MACROD1: variants seen among roughly 807,000 people sequenced by gnomAD.
MACROD1 encodes mono-ADP ribosylhydrolase 1, also known as ADP-ribose glycohydrolase MACROD1.
MACROD1 carries 31 observed loss-of-function variants against 41.4 expected under a neutral mutation model. That is an observed-to-expected ratio of 0.75 (90% CI 0.56 to 1.01). The LOEUF is 1.01. Ranked by LOEUF, MACROD1 falls within the 50% of genes least tolerant of loss-of-function variation. MACROD1 has a pLI of 0.00. For synonymous variants in MACROD1, 252 were observed against 203.4 expected, an observed-to-expected ratio of 1.24 and a Z score of -2.03; for missense variants, 473 against 460.0, an observed-to-expected ratio of 1.03 and a Z score of -0.26.
chr11:64,071,570 C>A (rs567397294), intron 3 of MACROD1, among the ~76,000 whole-genome samples: 1 of 152,210 alleles, frequency 6.6e-6, no homozygotes. Flanking sequence ...GAAACCTTGC[C>A]CCTTAGTTTC....
At position 64,126,630 on chromosome 11, in the gene MACROD1, G is replaced by A. The variant is rs542936959; in HGVS notation, c.517+24609C>T. 5.1e-4 allele frequency among the ~76,000 whole-genome samples: 77 copies of A among 152,190 alleles called. 1 individual carries two copies. The highest frequency in any genetic ancestry group is 1.7e-3 in the African/African-American group (69 of 41,520). ...CACACAACGTCATCCCCTTCCCGGT[G>A]GTCTGAAGAGGAGGAGGAGACCAGG... is the stretch of plus-strand genomic sequence containing the variant. On this transcript the variant is annotated intron_variant, in intron 3 of 10. Coordinates refer to ENST00000255681, the MANE Select transcript of MACROD1 (RefSeq NM_014067.4).
rs537905459 is a variant in MACROD1, at chr11:64,096,225, C to G, written c.517+55014G>C. The stretch of plus-strand genomic sequence containing the variant: ...GCACTGTGACGGGCAGGCAGGGGGT[C>G]GAACAGCCACTGTTCTGCCGACAAA... On this transcript the variant is annotated intron_variant, in intron 3 of 10. Coordinates refer to ENST00000255681, the MANE Select transcript of MACROD1 (RefSeq NM_014067.4). This position sits in a 1 kb window ranked among gnomAD's most constrained non-coding sequence, Gnocchi z 4.6. Among the ~76,000 whole-genome samples the G allele has an allele frequency of 6.6e-6, 1 of 152,198 alleles. No homozygotes were observed. Among genetic ancestry groups the G allele is most frequent in the African/African-American group, 2.4e-5 (1 of 41,458 alleles).
At chr11:64,076,894 C>T (rs1033610984) in intron 3 of MACROD1, among the ~76,000 whole-genome samples, 2 of 152,222 alleles carry the variant, frequency 1.3e-5, no homozygotes, top group South Asian at 2.1e-4. Flanking sequence ...ACTTACTCAT[C>T]GGCTTGGGGC....
At chr11:64,165,290 C>G (rs951068565) in intron 1 of MACROD1, among the ~76,000 whole-genome samples, 1 of 152,210 alleles carries the variant, frequency 6.6e-6, no homozygotes, top group Non-Finnish European at 1.5e-5. Context: ...AGTCCGGGAT[C>G]ATAACCTCCA....
In MACROD1 at chr11:64,067,493, G is replaced by C; in HGVS notation, c.518-52212C>G. On this transcript the variant is annotated intron_variant, in intron 3 of 10. Transcript: ENST00000255681. The surrounding 1 kb of genome is among the most constrained non-coding windows in gnomAD (Gnocchi z 4.6). ...GATAACAGAAGGGAGGAGATAGGTC[G>C]GGGACGGGGACAGACGGCACCTCCC... 6.6e-6 allele frequency among the ~76,000 whole-genome samples: 1 copy of C among 152,086 alleles called. No homozygotes were observed. The highest frequency in any genetic ancestry group is 1.9e-4 in the East Asian group (1 of 5,180).
In MACROD1 at chr11:64,143,747, CACACAT is replaced by C. The variant is rs1270405860; in HGVS notation, c.517+7486_517+7491del. On this transcript the variant is annotated intron_variant, in intron 3 of 10. Transcript: ENST00000255681. ...GTATTCCCTTCCCCCAACCCCGACA[CACACAT>C]ACACACACACACACACACACACACA... Among the ~76,000 whole-genome samples, 599 of 94,316 alleles carry C rather than the reference CACACAT, an allele frequency of 6.4e-3. 8 individuals carry two copies. The highest frequency in any genetic ancestry group is 0.013 in the African/African-American group (379 of 29,430). 61.9% of individuals were successfully genotyped at this position (94,316 alleles called of 152,430 possible).
chr11:64,143,654 G>A (rs1945444976), intron 3 of MACROD1, among the ~76,000 whole-genome samples: 1 of 151,684 alleles, frequency 6.6e-6, no homozygotes, highest in African/African-American at 2.4e-5. Context: ...CTGGCCGTGA[G>A]GACAGACAGG....
chr11:64,151,481 G>T (rs1006853828), intron 2 of MACROD1, 126 bp from the exon 3 acceptor site: 2 of 674,634 alleles, frequency 3.0e-6, no homozygotes. Context: ...CCTGCAGCAC[G>T]ATGACTGCTG....
At chr11:64,032,286 C>G (rs1943305234) in intron 3 of MACROD1, among the ~76,000 whole-genome samples, 1 of 152,232 alleles carries the variant, frequency 6.6e-6, no homozygotes, top group Non-Finnish European at 1.5e-5. Flanking sequence ...ATACGAAGCA[C>G]TTTCCTCCTG....
intron 3 of MACROD1, among the ~76,000 whole-genome samples, chr11:64,124,565 C>A (rs1394878933): frequency 6.6e-6 from 1 of 152,218 alleles, no homozygotes; most frequent in Non-Finnish European, 1.5e-5. Flanking sequence ...CATTTTTAAT[C>A]TGTGGGTTTT....
At chr11:64,019,358 G>C (rs1168788281) in intron 3 of MACROD1, among the ~76,000 whole-genome samples, 1 of 152,104 alleles carries the variant, frequency 6.6e-6, no homozygotes, top group Non-Finnish European at 1.5e-5. Flanking sequence ...GCGGTCCCTG[G>C]GGACTGGGGG....
At chr11:64,156,265 A>G (rs947032301) in intron 1 of MACROD1, among the ~76,000 whole-genome samples, 1 of 152,184 alleles carries the variant, frequency 6.6e-6, no homozygotes, top group African/African-American at 2.4e-5. Flanking sequence ...TGCCCAACAG[A>G]GCGAGACCTT....
chr11:64,078,413 T>C (rs780026967), intron 3 of MACROD1, among the ~76,000 whole-genome samples: 4 of 152,178 alleles, frequency 2.6e-5, no homozygotes. Flanking sequence ...CAATATTAAA[T>C]GCAGCTGCAC....
intron 3 of MACROD1, among the ~76,000 whole-genome samples, chr11:64,057,102 T>G (rs2134426489): frequency 6.6e-6 from 1 of 152,306 alleles, no homozygotes; most frequent in South Asian, 2.1e-4. Context: ...GAAACAGGGC[T>G]TCCTGTGTGT....
intron 3 of MACROD1, among the ~76,000 whole-genome samples, chr11:64,029,682 G>A (rs1017273512): frequency 1.1e-4 from 16 of 151,814 alleles, no homozygotes; most frequent in African/African-American, 3.9e-4. Flanking sequence ...CCATGCCCAT[G>A]AGCTGCTCGT....
chr11:64,118,982 C>T (rs1345387680), intron 3 of MACROD1: 1 of 166,982 alleles, frequency 6.0e-6, no homozygotes, highest in Non-Finnish European at 1.5e-5. Context: ...CAGTTCCATG[C>T]ACCACGCTCC....
At chr11:64,109,100 G>A (rs1033137819) in intron 3 of MACROD1, among the ~76,000 whole-genome samples, 1 of 152,184 alleles carries the variant, frequency 6.6e-6, no homozygotes, top group African/African-American at 2.4e-5. Context: ...CCCCATCCCA[G>A]GGATGGGACA....
chr11:64,072,158 G>T (rs1307087728), intron 3 of MACROD1, among the ~76,000 whole-genome samples: 2 of 152,220 alleles, frequency 1.3e-5, no homozygotes, highest in Admixed American at 1.3e-4. Context: ...AGTGGGAGCT[G>T]TGGCTGGGCC....
chr11:64,114,011 C>CATGG (rs140487195), intron 3 of MACROD1, among the ~76,000 whole-genome samples: 6 of 95,618 alleles, frequency 6.3e-5, no homozygotes, highest in African/African-American at 8.7e-5. Context: ...CAGGTGGATG[C>CATGG]ATGGATGGAT....
Sources: allele counts gnomAD v4.1 joint callset (sites outside exome capture counted in the v4.1 genomes callset), GRCh38; gene constraint gnomAD v4.1.1; non-coding constraint Gnocchi (gnomAD v3.1); transcripts MANE v1.5; gene names NCBI Gene and HGNC (gene_info 2026-07-23, HGNC 2026-07-21).